NETO1: variants seen among roughly 807,000 people sequenced by gnomAD.
The protein encoded by NETO1 is neuropilin and tolloid-like protein 1.
A neutral mutation model predicts 61.3 loss-of-function variants in NETO1; 26 were observed. The ratio of observed to expected loss-of-function variants is 0.42; its 90% CI spans 0.31 to 0.59. The LOEUF (loss-of-function observed/expected upper bound fraction) is 0.59, where lower values mean the gene tolerates loss of function less well. Ranked by LOEUF, NETO1 falls within the 20% of genes least tolerant of loss-of-function variation. NETO1 has a pLI of 0.12. For synonymous variants in NETO1, 225 were observed against 225.8 expected (o/e 1.00, Z 0.03); for missense variants, 531 against 662.8 (o/e 0.80, Z 2.18).
intron 3 of NETO1, among the ~76,000 whole-genome samples, chr18:72,863,582 C>T (rs372383050): frequency 2.0e-5 from 3 of 152,184 alleles, no homozygotes; most frequent in South Asian, 2.1e-4. Context: ...TGCCTTCTTA[C>T]AGTGTGGTTT....
intron 7 of NETO1, among the ~76,000 whole-genome samples, chr18:72,770,540 A>G (rs2071320455): frequency 6.6e-6 from 1 of 152,132 alleles, no homozygotes. Context: ...TCTGGTATTT[A>G]TGCTACTATA....
rs73471891 is a variant in NETO1, at chr18:72,826,115, A to G, written c.470-31711T>C. ...TTAGAGAAATGACAAGTGTTCCACA[A>G]TTATCGTGGTTTGCTAGTTTCCTGT... On this transcript the variant is annotated intron_variant, in intron 4 of 10. Coordinates refer to ENST00000327305, the MANE Select transcript of NETO1 (RefSeq NM_138966.5). Among the ~76,000 whole-genome samples, 975 of 152,262 alleles carry G rather than the reference A, an allele frequency of 6.4e-3. 6 individuals are homozygous for G. The highest frequency in any genetic ancestry group is 0.022 in the African/African-American group (902 of 41,560).
chr18:72,759,612 G>A (rs1432209809), intron 7 of NETO1, among the ~76,000 whole-genome samples: 1 of 152,092 alleles, frequency 6.6e-6, no homozygotes, highest in East Asian at 1.9e-4. Flanking sequence ...AACCTTCAAG[G>A]CCATGGTCTT....
At chr18:72,860,731 T>C (rs1196527800) in intron 3 of NETO1, among the ~76,000 whole-genome samples, 1 of 66,854 alleles carries the variant, frequency 1.5e-5, no homozygotes, top group Non-Finnish European at 4.4e-5. Context: ...ATGACGTGGT[T>C]TTTTTTTTTC....
chr18:72,756,740 C>T (rs1026349022), intron 7 of NETO1, among the ~76,000 whole-genome samples: 1 of 151,954 alleles, frequency 6.6e-6, no homozygotes, highest in Non-Finnish European at 1.5e-5. Context: ...GCTTACTACG[C>T]ATGTATTTCA....
intron 4 of NETO1, among the ~76,000 whole-genome samples, chr18:72,848,736 A>G (rs912968688): frequency 9.2e-5 from 14 of 152,190 alleles, no homozygotes; most frequent in African/African-American, 2.9e-4. Flanking sequence ...CTCCTGAGTC[A>G]GCCTACTGAC....
chr18:72,797,932 A>G (rs1169240618), intron 4 of NETO1, among the ~76,000 whole-genome samples: 1 of 152,194 alleles, frequency 6.6e-6, no homozygotes, highest in African/African-American at 2.4e-5. Context: ...TTCAAATATT[A>G]TATTCTCAGA....
intron 4 of NETO1, among the ~76,000 whole-genome samples, chr18:72,822,805 C>T (rs965846599): frequency 6.6e-6 from 1 of 152,012 alleles, no homozygotes; most frequent in Non-Finnish European, 1.5e-5. Context: ...ATTTCCCCCA[C>T]AAGAACAGCA....
At chr18:72,768,257 G>A (rs1219069841) in intron 7 of NETO1, among the ~76,000 whole-genome samples, 1 of 151,708 alleles carries the variant, frequency 6.6e-6, no homozygotes, top group Non-Finnish European at 1.5e-5. Context: ...TTTTTCTACA[G>A]TAATAAAATA....
At chr18:72,751,426 C>T (rs2070612293) in intron 8 of NETO1, among the ~76,000 whole-genome samples, 1 of 152,118 alleles carries the variant, frequency 6.6e-6, no homozygotes, top group Non-Finnish European at 1.5e-5. Context: ...CGCAGGGCAC[C>T]CTCTCCCTGC....
chr18:72,848,598 C>G (rs1385714091), intron 4 of NETO1, among the ~76,000 whole-genome samples: 2 of 152,104 alleles, frequency 1.3e-5, no homozygotes, highest in African/African-American at 2.4e-5. Context: ...AAGAAATTCA[C>G]CAGTTCCAAG....
chr18:72,862,743 C>A (rs1372236541), intron 3 of NETO1, among the ~76,000 whole-genome samples: 1 of 151,686 alleles, frequency 6.6e-6, no homozygotes, highest in Non-Finnish European at 1.5e-5. Context: ...GCCTCAGCCT[C>A]CTGAGTAGCT....
chr18:72,770,066 T>A (rs919408414), intron 7 of NETO1, among the ~76,000 whole-genome samples: 1 of 152,060 alleles, frequency 6.6e-6, no homozygotes, highest in Non-Finnish European at 1.5e-5. Flanking sequence ...ATCTCCAACA[T>A]TATTTCATAT....
intron 3 of NETO1, among the ~76,000 whole-genome samples, chr18:72,864,246 T>C (rs1439339788): frequency 2.0e-5 from 3 of 152,164 alleles, no homozygotes; most frequent in Non-Finnish European, 4.4e-5. Context: ...TTATCTTTCA[T>C]GTTGGAAAAA....
chr18:72,759,491 T>C (rs142419645), intron 7 of NETO1, among the ~76,000 whole-genome samples: 161 of 152,320 alleles, frequency 1.1e-3, no homozygotes, highest in African/African-American at 3.6e-3. Context: ...ATTCAACAGA[T>C]ATTTTAACTG....
intron 4 of NETO1, among the ~76,000 whole-genome samples, chr18:72,806,468 A>G (rs938059939): frequency 3.9e-5 from 6 of 152,170 alleles, no homozygotes; most frequent in African/African-American, 1.4e-4. Context: ...TCCTATACAT[A>G]GTAGTTGGCA....
At chr18:72,749,972 T>C (rs1455011666) in intron 9 of NETO1, 90 bp downstream of exon 9, 4 of 1,041,438 alleles carry the variant, frequency 3.8e-6, no homozygotes, top group Non-Finnish European at 5.5e-6. Context: ...AAAGGGAAAC[T>C]GAAATATGAA....
rs544321095 is a variant in NETO1 at position 72,817,184 on chromosome 18, G to C, written c.470-22780C>G. 6.1e-4 allele frequency among the ~76,000 whole-genome samples: 93 copies of C among 152,296 alleles called. 1 individual carries two copies. Among genetic ancestry groups the C allele is most frequent in the African/African-American group, 1.9e-3 (78 of 41,566 alleles). On this transcript the variant is annotated intron_variant, in intron 4 of 10. Coordinates refer to ENST00000327305, the MANE Select transcript of NETO1 (RefSeq NM_138966.5). Reference sequence around the variant, plus strand: ...GCAACATGCTGAGCCTCTGACACTAGACATGGCGGTTCCTGCTGCTACCTT... The same window carrying C: ...GCAACATGCTGAGCCTCTGACACTACACATGGCGGTTCCTGCTGCTACCTT...
At chr18:72,838,671 A>G (rs903193678) in intron 4 of NETO1, among the ~76,000 whole-genome samples, 1 of 152,186 alleles carries the variant, frequency 6.6e-6, no homozygotes, top group African/African-American at 2.4e-5. Context: ...GCACTGTTCC[A>G]GTGCATCTTG....
Sources: allele counts gnomAD v4.1 joint callset (sites outside exome capture counted in the v4.1 genomes callset), GRCh38; gene constraint gnomAD v4.1.1; transcripts MANE v1.5; gene names NCBI Gene and HGNC (gene_info 2026-07-23, HGNC 2026-07-21).